NHS: variants seen among roughly 807,000 people sequenced by gnomAD.
NHS encodes the protein actin remodeling regulator NHS.
A neutral mutation model predicts 72.5 loss-of-function variants in NHS; 5 were observed. The observed-to-expected ratio is 0.07, with a 90% CI of 0.04 to 0.14. NHS has a LOEUF of 0.14. NHS is among the 10% of genes least tolerant of loss of function. NHS has a pLI of 1.00. For missense variants in NHS, 1,072 were observed against 1,355.7 expected, an observed-to-expected ratio of 0.79 and a Z score of 3.29; for synonymous variants, 464 against 547.7, an observed-to-expected ratio of 0.85 and a Z score of 2.13.
At chrX:17,633,873 G>T (rs1003565753) in intron 1 of NHS, among the ~76,000 whole-genome samples, 7 of 111,566 alleles carry the variant, frequency 6.3e-5, no homozygotes, top group Non-Finnish European at 9.4e-5. Context: ...CAAGATTGGG[G>T]CCCTGAAGAA....
At chrX:17,434,876 A>G (rs893491364) in intron 1 of NHS, among the ~76,000 whole-genome samples, 9 of 112,179 alleles carry the variant, frequency 8.0e-5, no homozygotes, top group African/African-American at 2.9e-4. Flanking sequence ...AGGCAATTGA[A>G]TGAACAAATT....
chrX:17,450,053 TGGTATTTGGGCCA>T (rs1474830070), intron 1 of NHS, among the ~76,000 whole-genome samples: 7 of 111,465 alleles, frequency 6.3e-5, no homozygotes, highest in African/African-American at 2.3e-4. Context: ...CTGCGGGGAA[TGGTATTTGGGCCA>T]GCTTTGCCTT....
At chrX:17,658,699 C>T (rs1344545194) in intron 1 of NHS, among the ~76,000 whole-genome samples, 1 of 111,999 alleles carries the variant, frequency 8.9e-6, no homozygotes, top group Non-Finnish European at 1.9e-5. Context: ...AAGGCCAGTG[C>T]AACAGTGGCC....
At chrX:17,656,131 C>T (rs752223717) in intron 1 of NHS, among the ~76,000 whole-genome samples, 2 of 113,447 alleles carry the variant, frequency 1.8e-5, no homozygotes, top group Non-Finnish European at 3.7e-5. Context: ...GCTGCGGAGC[C>T]GGCACGCATG....
intron 1 of NHS, among the ~76,000 whole-genome samples, chrX:17,633,737 G>GA (rs1259407315): frequency 8.9e-6 from 1 of 111,833 alleles, no homozygotes; most frequent in Admixed American, 9.5e-5. Flanking sequence ...CACTGGAAGG[G>GA]AAAAAACAGG....
rs1051857144 is a variant in NHS, at chrX:17,406,305, T to G, written c.565+29983T>G. Among the ~76,000 whole-genome samples, 22 of 111,620 alleles carry G rather than the reference T, an allele frequency of 2.0e-4. 1 individual carries two copies. Among genetic ancestry groups the G allele is most frequent in the African/African-American group, 6.8e-4 (21 of 30,719 alleles). On this transcript the variant is annotated intron_variant, in intron 1 of 8. Transcript: ENST00000676302. Reference sequence around the variant, plus strand: ...CCCCAAACCCCCTTGTCCACATTGGTAAAGTAGTTTCTAGAAGATGTCCTC... The same window carrying G: ...CCCCAAACCCCCTTGTCCACATTGGGAAAGTAGTTTCTAGAAGATGTCCTC...
chrX:17,379,437 G>T (rs183702926), intron 1 of NHS, among the ~76,000 whole-genome samples: 36 of 111,668 alleles, frequency 3.2e-4, no homozygotes, highest in African/African-American at 1.1e-3. Flanking sequence ...AAATAATTTA[G>T]GATGACTCCT....
chrX:17,660,409 T>G (rs1267840903), intron 1 of NHS, among the ~76,000 whole-genome samples: 1 of 112,642 alleles, frequency 8.9e-6, no homozygotes, highest in African/African-American at 3.2e-5. Flanking sequence ...GTTTATCTAT[T>G]GTTGCAGGAG....
intron 1 of NHS, among the ~76,000 whole-genome samples, chrX:17,538,853 A>G: frequency 8.9e-6 from 1 of 111,903 alleles, no homozygotes; most frequent in Admixed American, 9.4e-5. Flanking sequence ...CTGGGAGCGC[A>G]TTAGATGTCC....
At chrX:17,730,993 G>A (rs1339663600) in intron 8 of NHS, among the ~76,000 whole-genome samples, 1 of 110,673 alleles carries the variant, frequency 9.0e-6, no homozygotes, top group Non-Finnish European at 1.9e-5. Flanking sequence ...AGGTAGAATA[G>A]TATAATGTCT....
intron 1 of NHS, among the ~76,000 whole-genome samples, chrX:17,673,177 A>AACACAC (rs56271300): frequency 0.012 from 789 of 65,518 alleles, 13 homozygotes; most frequent in South Asian, 0.017. Flanking sequence ...TGGAAGATGA[A>AACACAC]ACACACACAC....
chrX:17,538,493 CAG>C (rs1200857021), intron 1 of NHS, among the ~76,000 whole-genome samples: 3 of 111,708 alleles, frequency 2.7e-5, no homozygotes, highest in African/African-American at 9.8e-5. Flanking sequence ...GAACACACGT[CAG>C]AGTTTCCTGC....
intron 1 of NHS, among the ~76,000 whole-genome samples, chrX:17,589,872 C>T (rs1483343415): frequency 1.8e-5 from 2 of 111,665 alleles, no homozygotes; most frequent in Non-Finnish European, 3.8e-5. Context: ...TGATTATGCC[C>T]ATTCTTGCAG....
At chrX:17,711,812 A>G (rs2066330474) in intron 3 of NHS, among the ~76,000 whole-genome samples, 1 of 111,914 alleles carries the variant, frequency 8.9e-6, no homozygotes, top group Admixed American at 9.5e-5. Context: ...TTTCCATTGT[A>G]TGAATATAAG....
intron 1 of NHS, among the ~76,000 whole-genome samples, chrX:17,551,526 C>T (rs1484978664): frequency 8.9e-6 from 1 of 112,162 alleles, no homozygotes; most frequent in African/African-American, 3.2e-5. Flanking sequence ...CTCCCGTAAA[C>T]ACAGCACTTG....
chrX:17,679,865 G>GC (rs2066114553), intron 1 of NHS, among the ~76,000 whole-genome samples: 1 of 104,274 alleles, frequency 9.6e-6, no homozygotes, highest in African/African-American at 3.4e-5. Context: ...AGAAAGGGGG[G>GC]GGGGGTGTGC....
intron 3 of NHS, among the ~76,000 whole-genome samples, chrX:17,698,824 C>G (rs185119350): frequency 8.2e-4 from 91 of 111,279 alleles, no homozygotes; most frequent in African/African-American, 2.6e-3. Context: ...ATTAACAGAT[C>G]TAGGAGGGGA....
intron 3 of NHS, among the ~76,000 whole-genome samples, chrX:17,705,031 C>CA (rs1278964161): frequency 8.9e-6 from 1 of 112,124 alleles, no homozygotes; most frequent in African/African-American, 3.2e-5. Flanking sequence ...CTCACTTTCT[C>CA]AGACTGGATG....
chrX:17,682,516 G>T (rs889137744), intron 1 of NHS, among the ~76,000 whole-genome samples: 8 of 111,660 alleles, frequency 7.2e-5, no homozygotes, highest in Non-Finnish European at 1.5e-4. Flanking sequence ...GTGGGTAAAT[G>T]TGTCTGCAGG....
Sources: allele counts gnomAD v4.1 joint callset (sites outside exome capture counted in the v4.1 genomes callset), GRCh38; gene constraint gnomAD v4.1.1; transcripts MANE v1.5; gene names NCBI Gene and HGNC (gene_info 2026-07-23, HGNC 2026-07-21).